PPEF1: variants seen among roughly 807,000 people sequenced by gnomAD.
The protein encoded by PPEF1 is protein phosphatase with EF-hand domain 1, also known as serine/threonine-protein phosphatase with EF-hands 1.
Under a neutral mutation model 53.3 loss-of-function variants are expected in PPEF1, and 12 were observed. The ratio of observed to expected loss-of-function variants is 0.23; its 90% confidence interval spans 0.14 to 0.36. The LOEUF is 0.36. PPEF1 is among the 10% of genes least tolerant of loss of function. PPEF1 has a pLI of 1.00. For missense variants in PPEF1, 334 were observed against 490.4 expected, an observed-to-expected ratio of 0.68 and a Z score of 3.01; for synonymous variants, 165 against 176.7, an observed-to-expected ratio of 0.93 and a Z score of 0.52.
Position 18,784,064 on chromosome X carries a change from G to C in PPEF1, c.912+16G>C, listed in dbSNP as rs1394436284. ...GAGGAACAAGGTAAGAAGTAATGTT[G>C]GCATGAATCTTCTCTCAGGGATTTA... On this transcript the variant is annotated intron_variant, in intron 9 of 15. Transcript: ENST00000470157. 18 of 1,161,677 alleles carry C rather than the reference G, an allele frequency of 1.5e-5. No individual in the cohort carries two copies. Among genetic ancestry groups the C allele is most frequent in the Non-Finnish European group, 1.5e-5 (13 of 870,355 alleles).
chrX:18,789,331 C>A, intron 10 of PPEF1, 58 bp downstream of exon 10: 2 of 1,071,523 alleles, frequency 1.9e-6, no homozygotes, highest in Non-Finnish European at 2.5e-6. Context: ...GCATGTTGTC[C>A]CTTACAATAT....
At chrX:18,689,099 G>A (rs1272201499) in intron 3 of PPEF1, among the ~76,000 whole-genome samples, 1 of 110,995 alleles carries the variant, frequency 9.0e-6, no homozygotes, top group South Asian at 3.9e-4. Context: ...TCTGCTTCTC[G>A]TCATGGCCTG....
chrX:18,736,067 T>C (rs2044971883), intron 3 of PPEF1, among the ~76,000 whole-genome samples: 1 of 111,845 alleles, frequency 8.9e-6, no homozygotes, highest in Non-Finnish European at 1.9e-5. Context: ...AATCATGTCG[T>C]CTGCAAACAG....
In PPEF1 at chrX:18,772,310, C is replaced by A. The variant is rs755010675; in HGVS notation, c.559-6700C>A. Among the ~76,000 whole-genome samples, 11 of 111,196 alleles carry A rather than the reference C, an allele frequency of 9.9e-5. No homozygotes were observed. The East Asian group carries it at 3.1e-3, about 31-fold the overall frequency. ...AGGGGTGGCAGAGGGAGAAGAGCCA[C>A]ATATAAGTGGACCCATGCAGTTCAA... On this transcript the variant is annotated intron_variant, in intron 6 of 15. Transcript: ENST00000470157.
In PPEF1 at chrX:18,803,875, T is replaced by C; in HGVS notation, c.1066-17T>C. 1 of 1,172,526 alleles carries C rather than the reference T, an allele frequency of 8.5e-7. No individual in the cohort carries two copies. Among genetic ancestry groups the C allele is most frequent in the Non-Finnish European group, 1.1e-6 (1 of 874,661 alleles). On this transcript the variant is annotated splice_polypyrimidine_tract_variant and intron_variant, in intron 10 of 15. Coordinates refer to ENST00000470157, the MANE Select transcript of PPEF1 (RefSeq NM_001377996.1). Reference sequence around the variant, plus strand: ...CTCACTTGTAAGTTACAGCGAAATCTGGTTTGTTGTTCCAAGATTATTGAT... The same window carrying C: ...CTCACTTGTAAGTTACAGCGAAATCCGGTTTGTTGTTCCAAGATTATTGAT...
chrX:18,732,360 C>T (rs1359818183), intron 2 of PPEF1, among the ~76,000 whole-genome samples: 1 of 111,899 alleles, frequency 8.9e-6, no homozygotes, highest in Non-Finnish European at 1.9e-5. Context: ...GTTTTCAGTT[C>T]TCTTGGGTAT....
chrX:18,716,599 G>A (rs755079229), intron 1 of PPEF1, among the ~76,000 whole-genome samples: 9 of 106,794 alleles, frequency 8.4e-5, no homozygotes, highest in Non-Finnish European at 1.3e-4. Context: ...CCCCCCTCCC[G>A]GCTCTCCATC....
chrX:18,821,488 A>G (rs1166812089), intron 13 of PPEF1, among the ~76,000 whole-genome samples: 1 of 110,280 alleles, frequency 9.1e-6, no homozygotes, highest in African/African-American at 3.3e-5. Flanking sequence ...GCTCATTGCA[A>G]CCTCCGCCTA....
intron 3 of PPEF1, among the ~76,000 whole-genome samples, chrX:18,734,048 A>G (rs1602392859): frequency 9.0e-6 from 1 of 111,688 alleles, no homozygotes; most frequent in East Asian, 2.8e-4. Context: ...ATTAGAATTC[A>G]TTCAATATTC....
rs143655515 is a variant in PPEF1 at position 18,700,773 on chromosome X, A to G, written c.-123+338A>G. On this transcript the variant is annotated intron_variant, in intron 6 of 21. Coordinates refer to the PPEF1 transcript ENST00000361511. ...TAGGTCCCCTCAGGGAGTATTCTCC[A>G]AACTCCACTGCACACCTTCATATTT... 3.6e-5 allele frequency among the ~76,000 whole-genome samples: 4 copies of G among 112,199 alleles called. No homozygotes were observed. In the East Asian group the frequency reaches 1.1e-3, roughly 32 times the overall value.
At chrX:18,784,849 C>A (rs1440710755) in intron 9 of PPEF1, among the ~76,000 whole-genome samples, 3 of 110,320 alleles carry the variant, frequency 2.7e-5, no homozygotes, top group Non-Finnish European at 3.8e-5. Flanking sequence ...GTGAAGGGTT[C>A]CTTGGACGGG....
intron 1 of PPEF1, among the ~76,000 whole-genome samples, chrX:18,713,727 G>A (rs58144494): frequency 1.8e-5 from 2 of 111,430 alleles, no homozygotes; most frequent in African/African-American, 6.5e-5. Flanking sequence ...CCACTACCCA[G>A]AGATAATGAC....
intron 9 of PPEF1, among the ~76,000 whole-genome samples, chrX:18,786,395 G>GT (rs1415668670): frequency 9.0e-6 from 1 of 111,538 alleles, no homozygotes; most frequent in East Asian, 2.8e-4. Flanking sequence ...ACATACTGAG[G>GT]TTTTCTAATC....
chrX:18,702,250 C>T (rs1196795156), intron 6 of PPEF1, among the ~76,000 whole-genome samples: 1 of 110,745 alleles, frequency 9.0e-6, no homozygotes, highest in East Asian at 2.8e-4. Flanking sequence ...CTCATGCTAG[C>T]ACAATCTACG....
intron 3 of PPEF1, among the ~76,000 whole-genome samples, chrX:18,742,325 A>G (rs1203675862): frequency 2.7e-5 from 3 of 111,437 alleles, no homozygotes; most frequent in Non-Finnish European, 5.6e-5. Context: ...ATTTGGCTAT[A>G]TATTCATTTT....
chrX:18,728,949 G>C (rs1195286609), intron 1 of PPEF1, among the ~76,000 whole-genome samples: 5 of 111,823 alleles, frequency 4.5e-5, no homozygotes, highest in Admixed American at 3.8e-4. Context: ...TCTAAAACTC[G>C]AGGAGGCATA....
chrX:18,810,309 TTCTC>T (rs900690844), intron 12 of PPEF1, among the ~76,000 whole-genome samples: 6 of 108,610 alleles, frequency 5.5e-5, no homozygotes, highest in Non-Finnish European at 7.6e-5. Context: ...AAATTTCTCT[TTCTC>T]TGTCTCTGCC....
At chrX:18,747,853 A>G (rs1238810400) in intron 3 of PPEF1, among the ~76,000 whole-genome samples, 2 of 112,479 alleles carry the variant, frequency 1.8e-5, no homozygotes, top group Non-Finnish European at 3.7e-5. Flanking sequence ...TAGTGAAAGT[A>G]CTGCGGGTTT....
In PPEF1 at chrX:18,810,325, C is replaced by T. The variant is rs769203533; in HGVS notation, c.1394+3780C>T. ...AATTTCTCTTTCTCTGTCTCTGCCT[C>T]TCTCTGCGCACACACACACACACAC... On this transcript the variant is annotated intron_variant, in intron 12 of 15. Coordinates refer to ENST00000470157, the MANE Select transcript of PPEF1 (RefSeq NM_001377996.1). Among the ~76,000 whole-genome samples, 9 of 107,079 alleles carry T rather than the reference C, an allele frequency of 8.4e-5. No individual in the cohort carries two copies. The South Asian group carries it at 3.2e-3, about 38-fold the overall frequency. The allele number at this position is 107,079 out of a possible 115,157, so 93.0% of individuals were successfully genotyped here.
Sources: allele counts gnomAD v4.1 joint callset (sites outside exome capture counted in the v4.1 genomes callset), GRCh38; gene constraint gnomAD v4.1.1; transcripts MANE v1.5; gene names NCBI Gene and HGNC (gene_info 2026-07-23, HGNC 2026-07-21).